TLL1: variants seen among roughly 807,000 people sequenced by gnomAD.
TLL1 encodes tolloid like 1.
TLL1 carries 49 observed loss-of-function variants against 128.2 expected under a neutral mutation model. The ratio of observed to expected loss-of-function variants is 0.38; its 90% confidence interval spans 0.30 to 0.48. TLL1 has a LOEUF of 0.48. Ranked by LOEUF, TLL1 falls within the 20% of genes least tolerant of loss-of-function variation. The pLI, the probability that TLL1 is intolerant of heterozygous loss-of-function variation, is 0.96. For missense variants in TLL1, 1,123 were observed against 1,242.0 expected (o/e 0.90, Z 1.44); for synonymous variants, 454 against 418.8 (o/e 1.08, Z -1.03).
At chr4:166,017,729 G>T (rs1738019643) in intron 8 of TLL1, among the ~76,000 whole-genome samples, 1 of 151,666 alleles carries the variant, frequency 6.6e-6, no homozygotes, top group African/African-American at 2.4e-5. Flanking sequence ...GCCCCTCTCA[G>T]CCACTCTGTG....
intron 7 of TLL1, 33 bp downstream of exon 7, chr4:166,008,081 A>C: frequency 2.0e-6 from 3 of 1,519,354 alleles, no homozygotes; most frequent in Non-Finnish European, 2.7e-6. Context: ...TTTGACTTTT[A>C]ATTCCTTTCC....
At chr4:165,940,312 G>A (rs572880170) in intron 1 of TLL1, among the ~76,000 whole-genome samples, 1 of 151,876 alleles carries the variant, frequency 6.6e-6, no homozygotes, top group African/African-American at 2.4e-5. Flanking sequence ...TACATTCAAT[G>A]TTTCCATTCC....
intron 1 of TLL1, among the ~76,000 whole-genome samples, chr4:165,966,574 C>A (rs928604534): frequency 3.9e-5 from 6 of 152,064 alleles, no homozygotes; most frequent in Non-Finnish European, 8.8e-5. Context: ...CCCTAAGTGT[C>A]GGCTGGTCTG....
chr4:165,951,408 G>T (rs1312058485), intron 1 of TLL1, among the ~76,000 whole-genome samples: 2 of 152,036 alleles, frequency 1.3e-5, no homozygotes, highest in Non-Finnish European at 2.9e-5. Flanking sequence ...GGCAGGAATG[G>T]AATGGAACCC....
At chr4:166,037,138 G>A (rs915498936) in intron 9 of TLL1, among the ~76,000 whole-genome samples, 1 of 152,082 alleles carries the variant, frequency 6.6e-6, no homozygotes, top group Non-Finnish European at 1.5e-5. Flanking sequence ...AAACATAAAT[G>A]CAAAATGAAA....
intron 1 of TLL1, among the ~76,000 whole-genome samples, chr4:165,914,101 A>G (rs1014287291): frequency 1.3e-5 from 2 of 152,128 alleles, no homozygotes. Flanking sequence ...TTCTAGCACC[A>G]TCAAGAAATG....
chr4:165,976,773 A>G (rs889941226), intron 1 of TLL1, among the ~76,000 whole-genome samples: 3 of 152,246 alleles, frequency 2.0e-5, no homozygotes. Context: ...GGTTCTTTAC[A>G]TGGAACTGGG....
rs1261967851 is a variant in TLL1 at position 166,055,122 on chromosome 4, A to G, written c.1571A>G (p.Asp524Gly). Residue 524 changes from aspartate (D) to glycine (G), a missense_variant, in exon 13 of 21, where the codon GAT becomes GGT. By Grantham distance (94) the Asp-to-Gly change is moderately conservative. This residue lies in a region of TLL1 where 634 missense variants were observed against 672.4 expected (regional missense o/e 0.94). Transcript: ENST00000061240. ...GCTTATGACTACCTGGAAGTTAGAG[A>G]TGGAACCAGTGAAAATAGCCCTTTG... ...NCAYDYLEVRDGTSENSPLIG... is the reference protein window; with the variant it reads ...NCAYDYLEVRGGTSENSPLIG... The G allele has an allele frequency of 6.2e-7, 1 of 1,612,992 alleles. No individual in the cohort carries two copies. The highest frequency in any genetic ancestry group is 8.5e-7 in the Non-Finnish European group (1 of 1,179,598).
In TLL1 at chr4:165,991,306, G is replaced by A. The variant is rs990247520; in HGVS notation, c.281-1498G>A. Among the ~76,000 whole-genome samples the A allele has an allele frequency of 2.0e-5, 3 of 152,044 alleles. No individual in the cohort carries two copies. The South Asian group carries it at 6.2e-4, about 31-fold the overall frequency. ...AAAAACACTTATTCTAAATTTTTCT[G>A]TGGAAGGTACATGTTTGAAAGTTCA... On this transcript the variant is annotated intron_variant, in intron 2 of 20. Coordinates refer to ENST00000061240, the MANE Select transcript of TLL1 (RefSeq NM_012464.5).
chr4:165,929,147 C>A (rs889719018), intron 1 of TLL1, among the ~76,000 whole-genome samples: 1 of 152,148 alleles, frequency 6.6e-6, no homozygotes, highest in African/African-American at 2.4e-5. Context: ...TCAAATGCTG[C>A]TCAGCATTGT....
chr4:165,960,243 A>G (rs1159035925), intron 1 of TLL1, among the ~76,000 whole-genome samples: 5 of 152,072 alleles, frequency 3.3e-5, no homozygotes, highest in South Asian at 2.1e-4. Flanking sequence ...GAAACACACA[A>G]CCTCCCAAGA....
chr4:165,958,176 T>C (rs1734904101), intron 1 of TLL1, among the ~76,000 whole-genome samples: 3 of 141,148 alleles, frequency 2.1e-5, no homozygotes, highest in Admixed American at 7.2e-5. Flanking sequence ...AACATACGTG[T>C]GCATGTGTCT....
chr4:166,023,952 C>A (rs1353851104), intron 8 of TLL1, among the ~76,000 whole-genome samples: 1 of 151,858 alleles, frequency 6.6e-6, no homozygotes, highest in Non-Finnish European at 1.5e-5. Context: ...ACTCCCAAAT[C>A]ATTGTTTAGC....
At chr4:165,887,815 T>C (rs2110824590) in intron 1 of TLL1, among the ~76,000 whole-genome samples, 1 of 152,334 alleles carries the variant, frequency 6.6e-6, no homozygotes, top group South Asian at 2.1e-4. Context: ...TGTATTTGTT[T>C]AGGCCTCCTT....
chr4:166,029,063 A>G (rs1254991699), intron 9 of TLL1, among the ~76,000 whole-genome samples: 3 of 151,888 alleles, frequency 2.0e-5, no homozygotes, highest in Non-Finnish European at 2.9e-5. Flanking sequence ...TTGCAGTTCT[A>G]TTTATTGTGA....
At chr4:165,991,529 CA>C (rs1309044690) in intron 2 of TLL1, among the ~76,000 whole-genome samples, 1 of 151,900 alleles carries the variant, frequency 6.6e-6, no homozygotes, top group African/African-American at 2.4e-5. Flanking sequence ...TCTCAAGATG[CA>C]CAGCAAAAAT....
chr4:165,926,609 A>G (rs1579496044), intron 1 of TLL1, among the ~76,000 whole-genome samples: 1 of 152,158 alleles, frequency 6.6e-6, no homozygotes, highest in Non-Finnish European at 1.5e-5. Flanking sequence ...TGGTGATAGA[A>G]TCACTCGAGT....
chr4:166,080,656 G>A (rs1372518423), intron 18 of TLL1, among the ~76,000 whole-genome samples: 1 of 152,098 alleles, frequency 6.6e-6, no homozygotes, highest in Non-Finnish European at 1.5e-5. Flanking sequence ...GGAAACGGAT[G>A]CATCTCTTGT....
At chr4:165,995,279 T>A in intron 5 of TLL1, 101 bp downstream of exon 5, 1 of 953,066 alleles carries the variant, frequency 1.0e-6, no homozygotes, top group East Asian at 2.4e-5. Flanking sequence ...ATTTGCTTTG[T>A]ATTTTGGCCA....
Sources: allele counts gnomAD v4.1 joint callset (sites outside exome capture counted in the v4.1 genomes callset), GRCh38; gene constraint gnomAD v4.1.1; regional missense constraint gnomAD v4.1.1; transcripts MANE v1.5; gene names NCBI Gene and HGNC (gene_info 2026-07-23, HGNC 2026-07-21).